The following FAT1 variants were observed in gnomAD, a reference collection of about 807,000 sequenced individuals.
FAT1 encodes protocadherin Fat 1.
In FAT1, 171 loss-of-function variants were observed where a neutral mutation model predicts 329.8. The ratio of observed to expected loss-of-function variants is 0.52; its 90% CI spans 0.46 to 0.59. FAT1 has a LOEUF of 0.59. Ranked by LOEUF, FAT1 falls within the 20% of genes least tolerant of loss-of-function variation. FAT1 has a pLI of 0.00. For missense variants in FAT1, 5,672 were observed against 5,774.4 expected (o/e 0.98, Z 0.57); for synonymous variants, 2,233 against 2,228.6 (o/e 1.00, Z -0.06).
chr4:186,690,441 T>C (rs982665085), intron 2 of FAT1, among the ~76,000 whole-genome samples: 9 of 152,186 alleles, frequency 5.9e-5, no homozygotes, highest in African/African-American at 2.2e-4. Flanking sequence ...CTCACGTCTG[T>C]AATCCCAGCA....
At chr4:186,682,470 T>C (rs1743262400) in intron 2 of FAT1, among the ~76,000 whole-genome samples, 1 of 138,926 alleles carries the variant, frequency 7.2e-6, no homozygotes, top group African/African-American at 2.8e-5. Flanking sequence ...GAGGTTGCAG[T>C]GAGCTAAGAT....
intron 3 of FAT1, among the ~76,000 whole-genome samples, chr4:186,645,879 G>A (rs970355050): frequency 2.7e-5 from 4 of 149,422 alleles, no homozygotes; most frequent in East Asian, 2.0e-4. Flanking sequence ...CTGGGAAGCC[G>A]AGGTTGCAGT....
At position 186,606,229 on chromosome 4, in the gene FAT1, A is replaced by C. The variant is rs2126448803; in HGVS notation, c.10207-16T>G. On this transcript the variant is annotated splice_polypyrimidine_tract_variant and intron_variant, in intron 16 of 26. Coordinates refer to ENST00000441802, the MANE Select transcript of FAT1 (RefSeq NM_005245.4). ...AACCTGAAATCTTTTCAGGCAAAAG[A>C]CAGAATGCACGTTCATTTTCACAAG... 1 of 1,612,754 alleles carries C rather than the reference A, an allele frequency of 6.2e-7. No individual in the cohort carries two copies. The highest frequency in any genetic ancestry group is 8.5e-7 in the Non-Finnish European group (1 of 1,179,474).
intron 18 of FAT1, 29 bp from the exon 19 acceptor site, chr4:186,604,006 T>G (rs1486428216): frequency 1.3e-6 from 2 of 1,534,596 alleles, no homozygotes; most frequent in African/African-American, 1.4e-5. Flanking sequence ...AAAATCACCT[T>G]TGTCTATGGC....
rs1355398491 is a variant in FAT1 at position 186,588,361 on chromosome 4, A to G, written c.*231T>C. On this transcript the variant is annotated 3_prime_UTR_variant, in exon 27 of 27. Transcript: ENST00000441802. ...TTCGTTTGATTATTTTAACACAGAC[A>G]GATGTAAATCCCAAAAGACGTTGGG... is the stretch of plus-strand genomic sequence containing the variant. 3.8e-6 allele frequency: 2 copies of G among 520,282 alleles called. No homozygotes were observed. Among genetic ancestry groups the G allele is most frequent in the Non-Finnish European group, 6.7e-6 (2 of 297,636 alleles). The allele number at this position is 520,282 out of a possible 1,614,324, so 32.2% of individuals were successfully genotyped here. A position where few individuals can be genotyped will look rare whatever the true frequency, so the allele number is the denominator to read the frequency against.
rs571056525 is a variant in FAT1, at chr4:186,635,131, T to C, written c.4183+894A>G. On this transcript the variant is annotated intron_variant, in intron 6 of 26. Coordinates refer to ENST00000441802, the MANE Select transcript of FAT1 (RefSeq NM_005245.4). ...GCATGAAAGTTCCAAAGGTAAGGCC[T>C]GGCCTGGCCTGACATGCCCAGTGGT... Among the ~76,000 whole-genome samples the C allele has an allele frequency of 1.1e-3, 172 of 152,324 alleles. 1 individual carries two copies. Among genetic ancestry groups the C allele is most frequent in the African/African-American group, 4.1e-3 (170 of 41,570 alleles).
At chr4:186,712,307 G>C (rs926771893) in intron 1 of FAT1, among the ~76,000 whole-genome samples, 2 of 152,170 alleles carry the variant, frequency 1.3e-5, no homozygotes, top group Non-Finnish European at 2.9e-5. Flanking sequence ...CTGGAGAACC[G>C]GTAGAGAAAC....
In FAT1 at chr4:186,629,830, T is replaced by C. The variant is rs191808031; in HGVS notation, c.4324-1067A>G. Among the ~76,000 whole-genome samples the C allele has an allele frequency of 3.6e-3, 554 of 152,362 alleles. 4 individuals carry two copies. Among genetic ancestry groups the C allele is most frequent in the Non-Finnish European group, 4.9e-3 (333 of 68,038 alleles). Reference sequence around the variant, plus strand: ...TCCACCAAACCACGGAAAGGTTGCATGTGAAAGCTATGTAAACCTTTAAAA... The same window carrying C: ...TCCACCAAACCACGGAAAGGTTGCACGTGAAAGCTATGTAAACCTTTAAAA... On this transcript the variant is annotated intron_variant, in intron 7 of 26. Transcript: ENST00000441802.
chr4:186,703,862 C>A (rs1744451583), intron 2 of FAT1, among the ~76,000 whole-genome samples: 1 of 152,204 alleles, frequency 6.6e-6, no homozygotes, highest in Non-Finnish European at 1.5e-5. Flanking sequence ...TTAGTTAAGA[C>A]ACACTCCAAG....
At chr4:186,702,243 C>T (rs575331565) in intron 2 of FAT1, among the ~76,000 whole-genome samples, 19 of 152,208 alleles carry the variant, frequency 1.2e-4, no homozygotes, top group Non-Finnish European at 2.4e-4. Context: ...GTTGTGACAA[C>T]GGCTGTACTT....
At chr4:186,650,652 A>T (rs1356058777) in intron 3 of FAT1, among the ~76,000 whole-genome samples, 2 of 152,180 alleles carry the variant, frequency 1.3e-5, no homozygotes, top group African/African-American at 2.4e-5. Flanking sequence ...TTCGATTTTA[A>T]CCGTACCTCT....
At chr4:186,678,596 TTGA>T (rs1296785454) in intron 2 of FAT1, among the ~76,000 whole-genome samples, 3 of 148,688 alleles carry the variant, frequency 2.0e-5, no homozygotes, top group East Asian at 1.9e-4. Flanking sequence ...TTGTATATTA[TTGA>T]TATTATGTAT....
In FAT1 at chr4:186,621,531, G is replaced by T; in HGVS notation, c.5055C>A (p.Phe1685Leu). ...GACTATGGGCTGTAACCATCCCAAC[G>T]AAACTCCCAATGCTGACAGTTTCAC... ...ELSETVSIGS[F>L]VGMVTAHSQS... Residue 1685 changes from phenylalanine (F) to leucine (L), a missense_variant, in exon 10 of 27, where the codon TTC (phenylalanine) becomes TTA (leucine). Phe to Leu is a conservative substitution (Grantham distance 22). This residue lies in a region of FAT1 where 3,966 missense variants were observed against 3,915.2 expected (regional missense o/e 1.01). Transcript: ENST00000441802. 3 of 1,613,926 alleles carry T rather than the reference G, an allele frequency of 1.9e-6. No individual in the cohort carries two copies. The East Asian group carries it at 6.7e-5, about 36-fold the overall frequency.
rs751163127 is a variant in FAT1, at chr4:186,603,936, G to A, written c.10590C>T (p.Tyr3530=). 3.7e-6 allele frequency: 6 copies of A among 1,613,694 alleles called. No homozygotes were observed. In the African/African-American group the frequency reaches 6.7e-5, roughly 18 times the overall value. ...NGKPQLSSLT[Y]IDIRVIEESI... ...TCTCCTCAATTACCCTAATGTCAAT[G>A]TATGTCAAAGATGACAACTGAGGCT... is the stretch of plus-strand genomic sequence containing the variant. The change falls in exon 19 of 27, where the codon TAC becomes TAT. Residue 3530 remains tyrosine, a synonymous_variant. Coordinates refer to ENST00000441802, the MANE Select transcript of FAT1 (RefSeq NM_005245.4).
Position 186,709,671 on chromosome 4 carries a change from C to A in FAT1, c.157G>T (p.Val53Leu), listed in dbSNP as rs757388453. 2 of 1,614,016 alleles carry A rather than the reference C, an allele frequency of 1.2e-6. No individual in the cohort carries two copies. Among genetic ancestry groups the A allele is most frequent in the Admixed American group, 3.3e-5 (2 of 60,022 alleles). Residue 53 changes from valine to leucine, a missense_variant, in exon 2 of 27, where the codon GTG (valine) becomes TTG (leucine). By Grantham distance (32) the Val-to-Leu change is conservative. Coordinates refer to ENST00000441802, the MANE Select transcript of FAT1 (RefSeq NM_005245.4). ...VQENSAAKTYVGHPVKMGVYI... is the reference protein window; with the variant it reads ...VQENSAAKTYLGHPVKMGVYI... ...ACACCCATCTTGACAGGATGCCCCA[C>A]ATAAGTCTTAGCTGCAGAGTTCTCC...
chr4:186,620,010 T>G lies in FAT1; in HGVS notation c.6576A>C (p.Ala2192=). 1 of 1,614,064 alleles carries G rather than the reference T, an allele frequency of 6.2e-7. No homozygotes were observed. The highest frequency in any genetic ancestry group is 8.5e-7 in the Non-Finnish European group (1 of 1,179,898). ...CAGGGCTGTGCACCTGGATGCTCTC[T>G]GCAATCTCTGCACTGTAGAAAGGTT... ...FEKPFYSAEI[A]ESIQVHSPVV... is the part of the protein sequence containing the mutation. Residue 2192 remains alanine (A), a synonymous_variant, in exon 10 of 27, where the codon GCA becomes GCC. Coordinates refer to ENST00000441802, the MANE Select transcript of FAT1 (RefSeq NM_005245.4).
chr4:186,710,016 G>C (rs1477765878), intron 1 of FAT1, among the ~76,000 whole-genome samples, 171 bp from the exon 2 acceptor site: 1 of 152,040 alleles, frequency 6.6e-6, no homozygotes. Context: ...CAACATTCTT[G>C]TAACATGTCT....
At chr4:186,634,004 A>ATCGG (rs1056999948) in intron 6 of FAT1, among the ~76,000 whole-genome samples, 181 bp from the exon 7 acceptor site, 2 of 152,212 alleles carry the variant, frequency 1.3e-5, no homozygotes, top group African/African-American at 4.8e-5. Flanking sequence ...GTTAAGGCAA[A>ATCGG]GTGAACCCTA....
rs172903 is a variant in FAT1, at chr4:186,663,617, C to G, written c.3266-4G>C. ...CGATCTGACGTCTCTATGACACCTA[C>G]AGAGAAAAAAGAAAAGCGTAAAGCA... On this transcript the variant is annotated splice_polypyrimidine_tract_variant and splice_region_variant and intron_variant, in intron 2 of 26. Coordinates refer to ENST00000441802, the MANE Select transcript of FAT1 (RefSeq NM_005245.4). The G allele has an allele frequency of 0.96, 1,530,478 of 1,600,116 alleles. 732,177 individuals are homozygous for G. Among genetic ancestry groups the G allele is most frequent in the East Asian group, 1 (44,792 of 44,794 alleles).
Sources: allele counts gnomAD v4.1 joint callset (sites outside exome capture counted in the v4.1 genomes callset), GRCh38; gene constraint gnomAD v4.1.1; regional missense constraint gnomAD v4.1.1; transcripts MANE v1.5; gene names NCBI Gene and HGNC (gene_info 2026-07-23, HGNC 2026-07-21).